The following TRIM66 variants were observed in gnomAD, a reference collection of about 807,000 sequenced individuals.
The protein encoded by TRIM66 is tripartite motif-containing protein 66.
Under a neutral mutation model 148.2 loss-of-function variants are expected in TRIM66, and 99 were observed. The observed-to-expected ratio is 0.67, with a 90% confidence interval of 0.57 to 0.79. TRIM66 has a LOEUF of 0.79. Ranked by LOEUF, TRIM66 falls within the 30% of genes least tolerant of loss-of-function variation. The pLI, the probability that TRIM66 is intolerant of heterozygous loss-of-function variation, is 0.00. For synonymous variants in TRIM66, 616 were observed against 635.9 expected, an observed-to-expected ratio of 0.97 and a Z score of 0.47; for missense variants, 1,666 against 1,697.9, an observed-to-expected ratio of 0.98 and a Z score of 0.33.
At position 8,640,884 on chromosome 11, in the gene TRIM66, C is replaced by T. The variant is rs2036326508; in HGVS notation, c.1491G>A (p.Glu497=). The T allele has an allele frequency of 6.4e-7, 1 of 1,550,390 alleles. No individual in the cohort carries two copies. Residue 497 remains glutamate, a synonymous_variant, in exon 14 of 25, where the codon GAG becomes GAA. Transcript: ENST00000646038. ...GAGACCCCAGCTGCTGGGGCACCAT[C>T]TCAGGGGGCTGCCTGAAGCTGTGGG... ...HPAHSFRQPP[E]MVPQQLGSLQ... is the part of the protein sequence containing the mutation.
upstream of TRIM66, chr11:8,682,863 C>A (rs777142149): frequency 2.5e-6 from 4 of 1,595,904 alleles, no homozygotes; most frequent in South Asian, 2.3e-5. Context: ...GCGGAGACCC[C>A]TAAGCTGTAT....
rs143588951 is a variant in TRIM66 at position 8,669,801 on chromosome 11, C to T, written c.340+1985G>A. ...CCTGAGGGACTAACAGTAATCAGCC[C>T]TCTCCTCTGCCCTTAGGCACTGGAA... On this transcript the variant is annotated intron_variant, in intron 6 of 24. Coordinates refer to ENST00000646038, the MANE Select transcript of TRIM66 (RefSeq NM_001388022.1). 3.3e-5 allele frequency among the ~76,000 whole-genome samples: 5 copies of T among 152,230 alleles called. No individual in the cohort carries two copies. In the East Asian group the frequency reaches 9.6e-4, roughly 29 times the overall value.
In TRIM66 at chr11:8,640,765, G is replaced by A. The variant is rs1194111915; in HGVS notation, c.1610C>T (p.Pro537Leu). The A allele has an allele frequency of 4.6e-5, 71 of 1,551,226 alleles. No homozygotes were observed. The highest frequency in any genetic ancestry group is 6.1e-5 in the Non-Finnish European group (70 of 1,147,004). The change falls in exon 14 of 25, where the codon CCC becomes CTC. Residue 537 changes from proline to leucine, a missense_variant. Coordinates refer to ENST00000646038, the MANE Select transcript of TRIM66 (RefSeq NM_001388022.1). The part of the protein sequence containing the change: ...LLQPWLETQP[P>L]VEQESTSQRL... ...CTGGGATGTGCTCTCCTGCTCCACG[G>A]GGGGCTGGGTTTCCAGCCAGGGCTG...
intron 6 of TRIM66, among the ~76,000 whole-genome samples, chr11:8,664,274 T>C: frequency 6.6e-6 from 1 of 152,342 alleles, no homozygotes; most frequent in Non-Finnish European, 1.5e-5. Context: ...GTTAAAAATT[T>C]TTTTAATTAA....
At chr11:8,654,736 A>G (rs949541966) in intron 6 of TRIM66, among the ~76,000 whole-genome samples, 6 of 152,252 alleles carry the variant, frequency 3.9e-5, no homozygotes, top group Non-Finnish European at 8.8e-5. Flanking sequence ...AGTTTTCTTC[A>G]TCAATGTTAT....
At position 8,614,851 on chromosome 11, in the gene TRIM66, T is replaced by G. The variant is rs891265963; in HGVS notation, c.*3093A>C. 7 of 152,216 alleles carry G rather than the reference T, an allele frequency of 4.6e-5. No homozygotes were observed. The highest frequency in any genetic ancestry group is 1.7e-4 in the African/African-American group (7 of 41,426). The allele number at this position is 152,216 out of a possible 1,614,324, so 9.4% of individuals were successfully genotyped here. A position where few individuals can be genotyped will look rare whatever the true frequency, so the allele number is the denominator to read the frequency against. ...GGGTCCTAGAGGCAGGCAAGGTGTA[T>G]AGTTAGCAATTGCTAGAAGTCAGGC... On this transcript the variant is annotated 3_prime_UTR_variant, in exon 25 of 25. Transcript: ENST00000646038.
At chr11:8,680,285 C>A (rs1431555391) in intron 1 of TRIM66, among the ~76,000 whole-genome samples, 1 of 152,162 alleles carries the variant, frequency 6.6e-6, no homozygotes, top group African/African-American at 2.4e-5. Flanking sequence ...TCATAAGGAG[C>A]TACCGAACTT....
chr11:8,639,696 T>C (rs1396928952), intron 14 of TRIM66, among the ~76,000 whole-genome samples: 1 of 152,202 alleles, frequency 6.6e-6, no homozygotes, highest in Non-Finnish European at 1.5e-5. Context: ...ATAAATGATA[T>C]GGTGCATATA....
intron 15 of TRIM66, among the ~76,000 whole-genome samples, chr11:8,627,668 T>C (rs1034998836): frequency 1.3e-5 from 2 of 152,190 alleles, no homozygotes; most frequent in African/African-American, 4.8e-5. Flanking sequence ...TAAAACATAA[T>C]TTTGTAGATT....
chr11:8,623,129 T>C (rs1233994385), intron 17 of TRIM66, among the ~76,000 whole-genome samples: 1 of 152,228 alleles, frequency 6.6e-6, no homozygotes, highest in Non-Finnish European at 1.5e-5. Context: ...TGGGTAAGTG[T>C]TGGGTCAGGC....
At chr11:8,675,963 T>G (rs1236485194) in intron 3 of TRIM66, among the ~76,000 whole-genome samples, 1 of 152,126 alleles carries the variant, frequency 6.6e-6, no homozygotes, top group Non-Finnish European at 1.5e-5. Flanking sequence ...GGTCTCAATC[T>G]CCAGACCTCG....
At chr11:8,657,185 G>A (rs1296090032) in intron 6 of TRIM66, among the ~76,000 whole-genome samples, 2 of 152,176 alleles carry the variant, frequency 1.3e-5, no homozygotes, top group Non-Finnish European at 2.9e-5. Context: ...AGCTGGTATC[G>A]GGTCAGCTTA....
intron 10 of TRIM66, 71 bp downstream of exon 10, chr11:8,647,899 C>G (rs2037007489): frequency 5.0e-6 from 6 of 1,198,084 alleles, no homozygotes; most frequent in Admixed American, 2.0e-5. Flanking sequence ...CATCTGACGG[C>G]CTGGTGTTGG....
chr11:8,639,356 G>C (rs1340989298), intron 14 of TRIM66, among the ~76,000 whole-genome samples: 1 of 152,234 alleles, frequency 6.6e-6, no homozygotes. Context: ...AAAGAGGATA[G>C]AACAGGAGGT....
intron 6 of TRIM66, among the ~76,000 whole-genome samples, chr11:8,659,535 T>C (rs541565799): frequency 1.3e-5 from 2 of 152,116 alleles, no homozygotes; most frequent in African/African-American, 2.4e-5. Context: ...CCAAATCTCA[T>C]GTTATCTATA....
Position 8,618,010 on chromosome 11 carries a change from G to C in TRIM66, c.4120-7C>G, listed in dbSNP as rs2033833583. On this transcript the variant is annotated splice_region_variant and splice_polypyrimidine_tract_variant and intron_variant, in intron 24 of 24. Coordinates refer to ENST00000646038, the MANE Select transcript of TRIM66 (RefSeq NM_001388022.1). ...TTTTTGCTCTTTCATTCTCCTGAAA[G>C]AAAAATATATATTTGGAATTAAAAT... 1 of 1,551,334 alleles carries C rather than the reference G, an allele frequency of 6.4e-7. No homozygotes were observed. The highest frequency in any genetic ancestry group is 8.7e-7 in the Non-Finnish European group (1 of 1,146,744).
intron 6 of TRIM66, among the ~76,000 whole-genome samples, chr11:8,654,870 T>G (rs373597041): frequency 3.3e-5 from 5 of 151,008 alleles, no homozygotes; most frequent in South Asian, 2.1e-4. Flanking sequence ...TTTGTTTTTG[T>G]TTTTTTTTGA....
At chr11:8,668,811 C>T (rs1216743280) in intron 6 of TRIM66, among the ~76,000 whole-genome samples, 2 of 152,076 alleles carry the variant, frequency 1.3e-5, no homozygotes, top group Non-Finnish European at 2.9e-5. Context: ...GTCTCGAACT[C>T]CTGAGCTCAG....
intron 14 of TRIM66, 52 bp downstream of exon 14, chr11:8,640,175 G>A (rs1221356739): frequency 1.8e-5 from 27 of 1,506,518 alleles, no homozygotes; most frequent in South Asian, 1.3e-4. Flanking sequence ...TGTGTTCCCT[G>A]AGTGATCCTA....
Sources: gnomAD v4.1 joint callset for allele counts (sites outside exome capture counted in the v4.1 genomes callset) on GRCh38, gnomAD v4.1.1 for gene constraint, MANE v1.5 for transcripts, NCBI Gene and HGNC (gene_info 2026-07-23, HGNC 2026-07-21) for gene names.